Variants in VPS13C observed in about 807,000 individuals in gnomAD.
VPS13C encodes the protein vacuolar protein sorting 13 homolog C.
Under a neutral mutation model 456.8 loss-of-function variants are expected in VPS13C, and 358 were observed. That is an observed-to-expected ratio of 0.78 (90% CI 0.72 to 0.86). VPS13C has a LOEUF of 0.86. Among genes scored for constraint, VPS13C ranks in the 40% least tolerant of loss-of-function variants. VPS13C has a pLI of 0.00. For synonymous variants in VPS13C, 1,578 were observed against 1,486.7 expected (o/e 1.06, Z -1.41); for missense variants, 4,818 against 4,385.4 (o/e 1.10, Z -2.79).
chr15:61,874,694 T>C (rs1051341887), intron 77 of VPS13C, among the ~76,000 whole-genome samples, 182 bp downstream of exon 77: 21 of 151,990 alleles, frequency 1.4e-4, no homozygotes, highest in Non-Finnish European at 2.2e-4. Context: ...CAAAGACATA[T>C]TAAAAAACCA....
intron 3 of VPS13C, among the ~76,000 whole-genome samples, chr15:62,037,976 A>G (rs2048121162): frequency 6.6e-6 from 1 of 152,174 alleles, no homozygotes; most frequent in Admixed American, 6.6e-5. Context: ...ATAATTGCTA[A>G]GAGATGCTAG....
intron 80 of VPS13C, 77 bp from the exon 81 acceptor site, chr15:61,868,850 T>C: frequency 8.8e-7 from 1 of 1,135,750 alleles, no homozygotes; most frequent in Non-Finnish European, 1.2e-6. Flanking sequence ...ATTAAATACA[T>C]AAATATTTCA....
Position 61,856,271 on chromosome 15 carries a change from G to T in VPS13C, c.11076+15C>A, listed in dbSNP as rs1893898863. 1.9e-6 allele frequency: 3 copies of T among 1,612,168 alleles called. No individual in the cohort carries two copies. The highest frequency in any genetic ancestry group is 1.3e-5 in the African/African-American group (1 of 74,790). ...AATGAACTCTTAGCTCTAAAGGTGT[G>T]ACATGTTTTCTTACCTTAACTGAAA... On this transcript the variant is annotated intron_variant, in intron 83 of 84. Transcript: ENST00000644861.
At chr15:61,984,659 G>C (rs558248975) in intron 19 of VPS13C, among the ~76,000 whole-genome samples, 198 bp downstream of exon 19, 1 of 152,228 alleles carries the variant, frequency 6.6e-6, no homozygotes, top group East Asian at 1.9e-4. Flanking sequence ...AAGGAAAGGA[G>C]GGAGGGCAGA....
At chr15:61,897,947 T>G (rs1041735879) in intron 66 of VPS13C, among the ~76,000 whole-genome samples, 2 of 152,120 alleles carry the variant, frequency 1.3e-5, no homozygotes, top group Non-Finnish European at 2.9e-5. Context: ...GGGCCAATAT[T>G]CAACATTCTT....
chr15:62,001,273 T>C (rs914394276), intron 15 of VPS13C, among the ~76,000 whole-genome samples: 2 of 152,202 alleles, frequency 1.3e-5, no homozygotes, highest in African/African-American at 4.8e-5. Context: ...GAAGGACACT[T>C]GGTAAATATC....
At chr15:61,962,605 A>G in intron 33 of VPS13C, 67 bp from the exon 34 acceptor site, 1 of 1,478,302 alleles carries the variant, frequency 6.8e-7, no homozygotes, top group Non-Finnish European at 9.1e-7. Context: ...CTCATTTACA[A>G]AAGGCTTTAC....
rs1214728770 is a variant in VPS13C, at chr15:61,856,272, A to T, written c.11076+14T>A. The T allele has an allele frequency of 2.5e-6, 4 of 1,612,560 alleles. No homozygotes were observed. The highest frequency in any genetic ancestry group is 1.3e-5 in the African/African-American group (1 of 74,948). On this transcript the variant is annotated intron_variant, in intron 83 of 84. Transcript: ENST00000644861. ...ATGAACTCTTAGCTCTAAAGGTGTG[A>T]CATGTTTTCTTACCTTAACTGAAAT...
intron 2 of VPS13C, 84 bp from the exon 3 acceptor site, chr15:62,041,450 A>G: frequency 7.5e-7 from 1 of 1,328,878 alleles, no homozygotes; most frequent in African/African-American, 1.5e-5. Flanking sequence ...ATTTAAATAC[A>G]CATGTCCAAA....
At chr15:62,059,901 C>T (rs564547549) in intron 1 of VPS13C, among the ~76,000 whole-genome samples, 4 of 152,354 alleles carry the variant, frequency 2.6e-5, no homozygotes, top group African/African-American at 7.2e-5. Flanking sequence ...CAACCATGCT[C>T]ACTCCACGCG....
At chr15:62,028,284 G>T in intron 6 of VPS13C, 74 bp downstream of exon 6, 1 of 1,496,980 alleles carries the variant, frequency 6.7e-7, no homozygotes. Context: ...GCCATCAAAT[G>T]GACTCCACCA....
In VPS13C at chr15:61,882,753, T is replaced by C. The variant is rs1895959541; in HGVS notation, c.9484-17A>G. Reference sequence around the variant, plus strand: ...AAAATTGACCTAGAAAAAAAGCACATGTTTTTGTGATGAGCTGATATTAGC... The same window carrying C: ...AAAATTGACCTAGAAAAAAAGCACACGTTTTTGTGATGAGCTGATATTAGC... On this transcript the variant is annotated splice_polypyrimidine_tract_variant and intron_variant, in intron 68 of 84. Coordinates refer to ENST00000644861, the MANE Select transcript of VPS13C (RefSeq NM_020821.3). 1 of 1,579,380 alleles carries C rather than the reference T, an allele frequency of 6.3e-7. No individual in the cohort carries two copies. Among genetic ancestry groups the C allele is most frequent in the African/African-American group, 1.4e-5 (1 of 73,406 alleles).
intron 66 of VPS13C, among the ~76,000 whole-genome samples, chr15:61,892,823 G>A (rs904419903): frequency 1.3e-5 from 2 of 152,168 alleles, no homozygotes; most frequent in Non-Finnish European, 2.9e-5. Context: ...AGAAATGCTG[G>A]AATGATGAAA....
At chr15:61,987,530 C>T (rs913635796) in intron 18 of VPS13C, among the ~76,000 whole-genome samples, 1 of 151,552 alleles carries the variant, frequency 6.6e-6, no homozygotes, top group African/African-American at 2.4e-5. Flanking sequence ...ATCGGAGAAA[C>T]CAACCCCATG....
rs746044733 is a variant in VPS13C, at chr15:61,983,806, C to T, written c.1914+14G>A. On this transcript the variant is annotated intron_variant, in intron 20 of 84. Coordinates refer to ENST00000644861, the MANE Select transcript of VPS13C (RefSeq NM_020821.3). ...GATGATTTAAATAAAGAGTTACTTT[C>T]TCCTTGCACTTACAGCATCATAGAT... is the stretch of plus-strand genomic sequence containing the variant. 6.2e-7 allele frequency: 1 copy of T among 1,611,406 alleles called. No individual in the cohort carries two copies. Among genetic ancestry groups the T allele is most frequent in the Non-Finnish European group, 8.5e-7 (1 of 1,179,234 alleles).
At chr15:61,934,183 A>C in intron 49 of VPS13C, 36 bp downstream of exon 49, 3 of 1,421,720 alleles carry the variant, frequency 2.1e-6, no homozygotes, top group South Asian at 1.4e-5. Context: ...TCAAGAGCTA[A>C]GGATTTATTT....
At chr15:61,923,861 CTTT>C (rs1188960583) in intron 53 of VPS13C, among the ~76,000 whole-genome samples, 78 of 75,124 alleles carry the variant, frequency 1.0e-3, no homozygotes, top group African/African-American at 3.8e-3. Flanking sequence ...CCCTCTAAAT[CTTT>C]TTTTTTTTTT....
intron 26 of VPS13C, 123 bp downstream of exon 26, chr15:61,973,331 T>C: frequency 6.7e-6 from 5 of 745,228 alleles, no homozygotes; most frequent in Non-Finnish European, 1.1e-5. Flanking sequence ...GTAGCACAAC[T>C]AGAACTAAAA....
At chr15:62,041,034 T>C (rs537374454) in intron 3 of VPS13C, among the ~76,000 whole-genome samples, 1 of 152,272 alleles carries the variant, frequency 6.6e-6, no homozygotes, top group East Asian at 1.9e-4. Flanking sequence ...ACATAAAACT[T>C]GGAAATCTAA....
Sources: allele counts gnomAD v4.1 joint callset (sites outside exome capture counted in the v4.1 genomes callset), GRCh38; gene constraint gnomAD v4.1.1; transcripts MANE v1.5; gene names NCBI Gene and HGNC (gene_info 2026-07-23, HGNC 2026-07-21).